SCOC: variants seen among roughly 807,000 people sequenced by gnomAD.
The protein encoded by SCOC is short coiled coil protein.
SCOC carries 7 observed loss-of-function variants against 9.9 expected under a neutral mutation model. The observed-to-expected ratio is 0.71, with a 90% confidence interval of 0.40 to 1.33. The LOEUF (loss-of-function observed/expected upper bound fraction) is 1.33, where lower values mean the gene tolerates loss of function less well. Ranked by LOEUF, SCOC falls within the 40% of genes most tolerant of loss-of-function variation. The pLI, the probability that SCOC is intolerant of heterozygous loss-of-function variation, is 0.01. For synonymous variants in SCOC, 19 were observed against 28.2 expected (o/e 0.67, Z 1.03); for missense variants, 66 against 89.7 (o/e 0.74, Z 1.07).
intron 1 of SCOC, among the ~76,000 whole-genome samples, chr4:140,329,746 T>C (rs982866978): frequency 3.3e-5 from 5 of 152,070 alleles, no homozygotes; most frequent in Non-Finnish European, 7.4e-5. Flanking sequence ...AAAACCGCAA[T>C]GCAATACCAC....
chr4:140,361,307 G>A (rs369907876), intron 2 of SCOC, among the ~76,000 whole-genome samples: 2 of 151,934 alleles, frequency 1.3e-5, no homozygotes, highest in African/African-American at 4.8e-5. Context: ...TGACTGTCAC[G>A]TGACAATGTT....
intron 2 of SCOC, among the ~76,000 whole-genome samples, chr4:140,353,353 AG>A (rs1212634424): frequency 6.6e-6 from 1 of 152,150 alleles, no homozygotes; most frequent in African/African-American, 2.4e-5. Context: ...AAACTGCTCC[AG>A]AAAGAGGTGT....
At chr4:140,343,663 G>A (rs745339301) in exon 2 of SCOC, 3 of 1,613,782 alleles carry the variant, frequency 1.9e-6, no homozygotes, top group African/African-American at 1.3e-5. Flanking sequence ...GAAAGAGGAG[G>A]AGGAAGACAG....
chr4:140,316,274 G>A (rs943108613), intron 1 of SCOC, among the ~76,000 whole-genome samples: 4 of 152,144 alleles, frequency 2.6e-5, no homozygotes, highest in Non-Finnish European at 5.9e-5. Context: ...TCAGTGGGAG[G>A]CTGGGTCAGA....
chr4:140,362,299 CTTT>C lies in SCOC; in HGVS notation c.71-16808_71-16806del, dbSNP rs1183789218. Among the ~76,000 whole-genome samples, 104 of 38,230 alleles carry C rather than the reference CTTT, an allele frequency of 2.7e-3. 5 individuals are homozygous for C. Among genetic ancestry groups the C allele is most frequent in the South Asian group, 7.7e-3 (11 of 1,428 alleles). The allele number at this position is 38,230 out of a possible 152,430, so 25.1% of individuals were successfully genotyped here. ...CTTACTTCTTCTTCTTCTTCTTCTTCTTTTTTTTTTTTTTTTGTGAGAGTCTCG... is the reference window on the plus strand; with the variant it reads ...CTTACTTCTTCTTCTTCTTCTTCTTCTTTTTTTTTTTTTGTGAGAGTCTCG... On this transcript the variant is annotated intron_variant, in intron 2 of 4. Coordinates refer to the SCOC transcript ENST00000338517.
chr4:140,366,605 A>G, intron 2 of SCOC: 4 of 1,606,372 alleles, frequency 2.5e-6, no homozygotes, highest in South Asian at 2.2e-5. Flanking sequence ...GTGGCTGCCC[A>G]TTTTGTATTG....
intron 1 of SCOC, among the ~76,000 whole-genome samples, chr4:140,286,361 G>GAA (rs112709885): frequency 0.021 from 3,056 of 143,100 alleles, 57 homozygotes; most frequent in East Asian, 0.045. Flanking sequence ...GTTAAAGGCT[G>GAA]AAAAAAAAAA....
Position 140,266,817 on chromosome 4 carries a change from AG to A in SCOC, c.-19+9409del, listed in dbSNP as rs1730736489. On this transcript the variant is annotated intron_variant, in intron 1 of 4. Coordinates refer to the SCOC transcript ENST00000394205. ...AGGTACTAAAAGAAAATAAAAAGGG[AG>A]GAAGGGAGAAAGAGAAAAAGTAAGG... 2.0e-5 allele frequency among the ~76,000 whole-genome samples: 3 copies of A among 152,182 alleles called. No individual in the cohort carries two copies. In the South Asian group the frequency reaches 6.2e-4, roughly 31 times the overall value.
Position 140,316,287 on chromosome 4 carries a change from G to C in SCOC, c.-18-27334G>C, listed in dbSNP as rs558584645. Among the ~76,000 whole-genome samples, 3 of 152,072 alleles carry C rather than the reference G, an allele frequency of 2.0e-5. No individual in the cohort carries two copies. In the East Asian group the frequency reaches 5.8e-4, roughly 29 times the overall value. On this transcript the variant is annotated intron_variant, in intron 1 of 4. Coordinates refer to the SCOC transcript ENST00000394205. Reference sequence around the variant, plus strand: ...CCTCAGTGGGAGGCTGGGTCAGATCGGGGACAGTTTCCCAAGTCAATAACG... The same window carrying C: ...CCTCAGTGGGAGGCTGGGTCAGATCCGGGACAGTTTCCCAAGTCAATAACG...
Position 140,381,261 on chromosome 4 carries a change from C to A in SCOC, c.*157C>A. The A allele has an allele frequency of 4.6e-6, 3 of 648,110 alleles. No individual in the cohort carries two copies. The highest frequency in any genetic ancestry group is 7.5e-6 in the Non-Finnish European group (3 of 400,834). 40.1% of individuals were successfully genotyped at this position (648,110 alleles called of 1,614,324 possible). ...AAAATAACACAATAACAGGAGACTT[C>A]CATAAGTTTGTGTATTATGTTAGTC... On this transcript the variant is annotated 3_prime_UTR_variant, in exon 4 of 4. Transcript: ENST00000608372.
At chr4:140,259,607 G>A (rs894037784) in intron 1 of SCOC, among the ~76,000 whole-genome samples, 3 of 152,196 alleles carry the variant, frequency 2.0e-5, no homozygotes, top group African/African-American at 7.2e-5. Context: ...TACTCAGGAG[G>A]CTGAGGTGGG....
At chr4:140,300,904 G>A (rs1292509385) in intron 1 of SCOC, among the ~76,000 whole-genome samples, 1 of 152,188 alleles carries the variant, frequency 6.6e-6, no homozygotes, top group South Asian at 2.1e-4. Flanking sequence ...CAGAGGGCTG[G>A]CACCTCCTCA....
At chr4:140,360,014 T>G (rs1334161994) in intron 2 of SCOC, among the ~76,000 whole-genome samples, 1 of 152,154 alleles carries the variant, frequency 6.6e-6, no homozygotes, top group Non-Finnish European at 1.5e-5. Context: ...GCCACTTGAC[T>G]CCTCTGGGTC....
chr4:140,278,634 A>G (rs1448356628), intron 1 of SCOC, among the ~76,000 whole-genome samples: 1 of 152,150 alleles, frequency 6.6e-6, no homozygotes, highest in Non-Finnish European at 1.5e-5. Flanking sequence ...TTCATGACTT[A>G]GTCACCTCCC....
intron 1 of SCOC, among the ~76,000 whole-genome samples, chr4:140,271,357 A>G (rs1445235903): frequency 6.6e-6 from 1 of 152,222 alleles, no homozygotes; most frequent in African/African-American, 2.4e-5. Context: ...TGAAAACACC[A>G]AGTGTTAATA....
intron 1 of SCOC, among the ~76,000 whole-genome samples, chr4:140,322,442 T>C (rs1732528914): frequency 6.6e-6 from 1 of 152,154 alleles, no homozygotes; most frequent in Non-Finnish European, 1.5e-5. Flanking sequence ...GTGAAGGACA[T>C]TCTGATGAGG....
intron 2 of SCOC, chr4:140,343,744 T>C (rs1458326617): frequency 7.2e-7 from 1 of 1,381,414 alleles, no homozygotes; most frequent in Admixed American, 1.7e-5. Context: ...AAACATACAT[T>C]CAACAACAGC....
At chr4:140,329,861 TA>T (rs1228323747) in intron 1 of SCOC, among the ~76,000 whole-genome samples, 2 of 152,250 alleles carry the variant, frequency 1.3e-5, no homozygotes, top group Admixed American at 1.3e-4. Flanking sequence ...ACTGGGAATG[TA>T]AACTAGTACA....
chr4:140,336,946 G>A (rs1446151035), intron 1 of SCOC, among the ~76,000 whole-genome samples: 1 of 152,166 alleles, frequency 6.6e-6, no homozygotes, highest in Non-Finnish European at 1.5e-5. Context: ...TGGGTATAAA[G>A]TGGTAGCTTA....
Sources: allele counts gnomAD v4.1 joint callset (sites outside exome capture counted in the v4.1 genomes callset), GRCh38; gene constraint gnomAD v4.1.1; transcripts MANE v1.5; gene names NCBI Gene and HGNC (gene_info 2026-07-23, HGNC 2026-07-21).